TRAF3: variants seen among roughly 807,000 people sequenced by gnomAD.
The protein encoded by TRAF3 is TNF receptor-associated factor 3.
A neutral mutation model predicts 62.3 loss-of-function variants in TRAF3; 13 were observed. The ratio of observed to expected loss-of-function variants is 0.21; its 90% confidence interval spans 0.14 to 0.33. The LOEUF (loss-of-function observed/expected upper bound fraction) is 0.33. Ranked by LOEUF, TRAF3 falls within the 10% of genes least tolerant of loss-of-function variation. TRAF3 has a pLI of 1.00. For missense variants in TRAF3, 440 were observed against 741.8 expected (o/e 0.59, Z 4.73); for synonymous variants, 269 against 283.4 (o/e 0.95, Z 0.51).
At chr14:102,790,547 C>T (rs1897735827) in intron 1 of TRAF3, among the ~76,000 whole-genome samples, 1 of 152,210 alleles carries the variant, frequency 6.6e-6, no homozygotes, top group South Asian at 2.1e-4. Context: ...AAAGGTATGT[C>T]TCACATGGCA....
chr14:102,825,696 G>T (rs1900269839), intron 1 of TRAF3, among the ~76,000 whole-genome samples: 2 of 152,374 alleles, frequency 1.3e-5, no homozygotes, highest in South Asian at 4.1e-4. Flanking sequence ...ACCACTGGAG[G>T]CTGGTGAGAG....
At chr14:102,887,836 T>G (rs983888160) in intron 7 of TRAF3, among the ~76,000 whole-genome samples, 1 of 152,094 alleles carries the variant, frequency 6.6e-6, no homozygotes, top group African/African-American at 2.4e-5. Flanking sequence ...ACCTCGTGAT[T>G]TGCCCGCCTC....
At chr14:102,778,978 T>A (rs1034011039) in intron 1 of TRAF3, among the ~76,000 whole-genome samples, 4 of 152,218 alleles carry the variant, frequency 2.6e-5, no homozygotes, top group Non-Finnish European at 5.9e-5. Context: ...TTCGCCGCGT[T>A]GTGACAATGT....
chr14:102,883,505 G>A (rs1889185994), intron 6 of TRAF3, among the ~76,000 whole-genome samples: 1 of 152,218 alleles, frequency 6.6e-6, no homozygotes, highest in Non-Finnish European at 1.5e-5. Context: ...GGTAGGTGCA[G>A]AAGATGGATG....
intron 2 of TRAF3, among the ~76,000 whole-genome samples, chr14:102,838,765 C>G (rs901949397): frequency 6.6e-6 from 1 of 151,960 alleles, no homozygotes; most frequent in Non-Finnish European, 1.5e-5. Context: ...GAGGCTGGCT[C>G]GGAAGCAGCA....
At chr14:102,787,786 G>A (rs2140074675) in intron 1 of TRAF3, among the ~76,000 whole-genome samples, 1 of 150,286 alleles carries the variant, frequency 6.7e-6, no homozygotes, top group Admixed American at 6.6e-5. Context: ...AACAGCCCAT[G>A]CTGTTGCTGT....
At chr14:102,864,086 A>G (rs147492768) in intron 2 of TRAF3, among the ~76,000 whole-genome samples, 2 of 151,920 alleles carry the variant, frequency 1.3e-5, no homozygotes, top group East Asian at 3.9e-4. Context: ...TGATTGCTGC[A>G]AGTTTTTAAT....
chr14:102,860,633 G>A (rs1481685535), intron 2 of TRAF3, among the ~76,000 whole-genome samples: 1 of 152,154 alleles, frequency 6.6e-6, no homozygotes, highest in Non-Finnish European at 1.5e-5. Context: ...TTTATGAAAG[G>A]GAGGAGAATC....
At chr14:102,904,809 C>CAAAA (rs36006172) in intron 11 of TRAF3, among the ~76,000 whole-genome samples, 2 of 80,000 alleles carry the variant, frequency 2.5e-5, no homozygotes, top group Non-Finnish European at 2.6e-5. Context: ...GACTCCATCT[C>CAAAA]AAAAAAAAAA....
intron 10 of TRAF3, among the ~76,000 whole-genome samples, chr14:102,898,080 A>T (rs1382275371): frequency 6.6e-6 from 1 of 152,236 alleles, no homozygotes; most frequent in East Asian, 1.9e-4. Context: ...CCGTGGAAGA[A>T]TCACTCATGT....
chr14:102,842,360 G>A (rs571564264), intron 2 of TRAF3, among the ~76,000 whole-genome samples: 31 of 150,388 alleles, frequency 2.1e-4, no homozygotes, highest in Non-Finnish European at 3.4e-4. Context: ...ATATAATGCA[G>A]TAGAGGGATC....
At chr14:102,824,608 G>A (rs1034395746) in intron 1 of TRAF3, among the ~76,000 whole-genome samples, 8 of 152,240 alleles carry the variant, frequency 5.3e-5, no homozygotes, top group South Asian at 4.1e-4. Context: ...CCTGCAGATA[G>A]TAGGGTTGCC....
intron 2 of TRAF3, among the ~76,000 whole-genome samples, chr14:102,843,172 T>C (rs1173266491): frequency 6.6e-6 from 1 of 150,388 alleles, no homozygotes; most frequent in East Asian, 2.0e-4. Context: ...CACTGCACTC[T>C]AGCCTGGGCG....
At chr14:102,814,550 C>T (rs1326506683) in intron 1 of TRAF3, among the ~76,000 whole-genome samples, 1 of 152,186 alleles carries the variant, frequency 6.6e-6, no homozygotes, top group African/African-American at 2.4e-5. Context: ...GACAGGGTCT[C>T]ACTTCGTTAT....
chr14:102,811,122 T>C (rs923444078), intron 1 of TRAF3, among the ~76,000 whole-genome samples: 2 of 152,214 alleles, frequency 1.3e-5, no homozygotes, highest in African/African-American at 4.8e-5. Context: ...GATCATCTTG[T>C]AGGACGCCAG....
At chr14:102,853,886 T>A (rs1887203979) in intron 2 of TRAF3, among the ~76,000 whole-genome samples, 1 of 151,828 alleles carries the variant, frequency 6.6e-6, no homozygotes, top group Admixed American at 6.6e-5. Context: ...CTATCTAATT[T>A]CAGAATATTT....
chr14:102,806,114 A>G (rs1474487927), intron 1 of TRAF3, among the ~76,000 whole-genome samples: 1 of 152,124 alleles, frequency 6.6e-6, no homozygotes, highest in Non-Finnish European at 1.5e-5. Flanking sequence ...ATTGGTAAGT[A>G]GAACGAGGGA....
intron 1 of TRAF3, among the ~76,000 whole-genome samples, chr14:102,817,062 A>T (rs1247082173): frequency 6.6e-6 from 1 of 152,196 alleles, no homozygotes; most frequent in Admixed American, 6.5e-5. Flanking sequence ...TGCCAGAGGC[A>T]GATCAGAGAG....
At chr14:102,838,061 A>G (rs1886135117) in intron 2 of TRAF3, among the ~76,000 whole-genome samples, 1 of 152,228 alleles carries the variant, frequency 6.6e-6, no homozygotes, top group Non-Finnish European at 1.5e-5. Flanking sequence ...CAGACATAGT[A>G]GTTAAGAACA....
Sources: gnomAD v4.1 joint callset for allele counts (sites outside exome capture counted in the v4.1 genomes callset) on GRCh38, gnomAD v4.1.1 for gene constraint, MANE v1.5 for transcripts, NCBI Gene and HGNC (gene_info 2026-07-23, HGNC 2026-07-21) for gene names.